Variants in KCNQ3 observed in about 807,000 individuals in gnomAD.
KCNQ3 encodes potassium voltage-gated channel subfamily Q member 3.
Under a neutral mutation model 92.5 loss-of-function variants are expected in KCNQ3, and 30 were observed. The observed-to-expected ratio is 0.32, with a 90% CI of 0.24 to 0.44. The LOEUF (loss-of-function observed/expected upper bound fraction) is 0.44. KCNQ3 is among the 20% of genes least tolerant of loss of function. KCNQ3 has a pLI of 1.00. For missense variants in KCNQ3, 913 were observed against 1,140.3 expected (o/e 0.80, Z 2.87); for synonymous variants, 450 against 468.8 (o/e 0.96, Z 0.52).
At chr8:132,194,555 G>T (rs547849099) in intron 1 of KCNQ3, among the ~76,000 whole-genome samples, 108 of 152,304 alleles carry the variant, frequency 7.1e-4, no homozygotes, top group African/African-American at 2.5e-3. Flanking sequence ...TTATTGAAAA[G>T]AATCCAGATT....
intron 7 of KCNQ3, among the ~76,000 whole-genome samples, chr8:132,171,512 A>T (rs574677859): frequency 9.9e-5 from 15 of 152,222 alleles, no homozygotes; most frequent in African/African-American, 3.6e-4. Context: ...ATCACCTCTC[A>T]CTGCTCCCTG....
intron 1 of KCNQ3, among the ~76,000 whole-genome samples, chr8:132,293,865 A>C (rs1816931186): frequency 6.6e-6 from 1 of 152,170 alleles, no homozygotes; most frequent in Admixed American, 6.5e-5. Context: ...CTTGGGATTG[A>C]GCCAGGGAGT....
chr8:132,310,563 G>A (rs550686846), intron 1 of KCNQ3, among the ~76,000 whole-genome samples: 1 of 152,324 alleles, frequency 6.6e-6, no homozygotes, highest in East Asian at 1.9e-4. Context: ...TGACTGAGAT[G>A]ATGCTGCCCT....
At chr8:132,219,873 A>T (rs1030042297) in intron 1 of KCNQ3, among the ~76,000 whole-genome samples, 1 of 152,194 alleles carries the variant, frequency 6.6e-6, no homozygotes, top group Non-Finnish European at 1.5e-5. Context: ...AATCCATCTG[A>T]TCAATATACT....
intron 1 of KCNQ3, among the ~76,000 whole-genome samples, chr8:132,229,985 A>T (rs1447151961): frequency 6.6e-6 from 1 of 152,158 alleles, no homozygotes; most frequent in Non-Finnish European, 1.5e-5. Context: ...TTCAGAAGGA[A>T]GGGCAGGATG....
intron 1 of KCNQ3, among the ~76,000 whole-genome samples, chr8:132,206,344 C>A (rs919380007): frequency 6.6e-6 from 1 of 152,196 alleles, no homozygotes; most frequent in Non-Finnish European, 1.5e-5. Flanking sequence ...TTTGCATGTC[C>A]ACTGACAGAC....
intron 7 of KCNQ3, among the ~76,000 whole-genome samples, chr8:132,172,109 C>A (rs1368480260): frequency 6.6e-6 from 1 of 152,014 alleles, no homozygotes; most frequent in African/African-American, 2.4e-5. Flanking sequence ...ATTGCTTGAG[C>A]CTGGGAGATG....
intron 1 of KCNQ3, among the ~76,000 whole-genome samples, chr8:132,195,556 G>A (rs935022444): frequency 2.6e-5 from 4 of 152,080 alleles, no homozygotes; most frequent in African/African-American, 9.7e-5. Context: ...CCTTCACCAT[G>A]TAGTCATCGG....
chr8:132,317,249 A>G (rs1325579849), intron 1 of KCNQ3, among the ~76,000 whole-genome samples: 3 of 152,182 alleles, frequency 2.0e-5, no homozygotes, highest in Non-Finnish European at 4.4e-5. Flanking sequence ...AAATAGTTGT[A>G]AGGTGACTCT....
chr8:132,457,465 C>G (rs1014724762), intron 1 of KCNQ3, among the ~76,000 whole-genome samples: 4 of 152,184 alleles, frequency 2.6e-5, no homozygotes, highest in Non-Finnish European at 5.9e-5. Flanking sequence ...TATAAAGGGT[C>G]CCTGGATGCA....
At chr8:132,458,702 G>A (rs1446564339) in intron 1 of KCNQ3, among the ~76,000 whole-genome samples, 1 of 152,136 alleles carries the variant, frequency 6.6e-6, no homozygotes, top group East Asian at 1.9e-4. Flanking sequence ...TGATCCTCCC[G>A]CCTTAGCCTC....
intron 1 of KCNQ3, among the ~76,000 whole-genome samples, chr8:132,275,581 CTTTT>C (rs35090240): frequency 7.1e-6 from 1 of 141,468 alleles, no homozygotes; most frequent in Non-Finnish European, 1.5e-5. Context: ...CCAGTGAAAC[CTTTT>C]TTTTTTTTTT....
chr8:132,157,314 A>G (rs1825828412), intron 9 of KCNQ3, among the ~76,000 whole-genome samples: 1 of 152,196 alleles, frequency 6.6e-6, no homozygotes, highest in Admixed American at 6.5e-5. Context: ...TCTTTTCCCT[A>G]TTTTTGAAGT....
At chr8:132,270,234 G>A (rs1379582) in intron 1 of KCNQ3, among the ~76,000 whole-genome samples, 88,427 of 152,058 alleles carry the variant, frequency 0.58, 26,847 homozygotes, top group East Asian at 0.78. Context: ...GGGCGTTGAC[G>A]TCGCCAGATT....
intron 1 of KCNQ3, among the ~76,000 whole-genome samples, chr8:132,299,519 C>T (rs1294203647): frequency 6.6e-6 from 1 of 152,124 alleles, no homozygotes; most frequent in Non-Finnish European, 1.5e-5. Flanking sequence ...TGCCTGGCAA[C>T]ATTCATGGCA....
chr8:132,287,554 A>G (rs1816713554), intron 1 of KCNQ3, among the ~76,000 whole-genome samples: 1 of 152,270 alleles, frequency 6.6e-6, no homozygotes, highest in South Asian at 2.1e-4. Context: ...TACAAAATGT[A>G]GTCTCTCCAG....
At chr8:132,299,203 T>C (rs934475445) in intron 1 of KCNQ3, among the ~76,000 whole-genome samples, 1 of 151,226 alleles carries the variant, frequency 6.6e-6, no homozygotes, top group African/African-American at 2.4e-5. Context: ...GAAGATATTT[T>C]GATATGGGCA....
At chr8:132,327,611 G>A (rs1046174572) in intron 1 of KCNQ3, among the ~76,000 whole-genome samples, 2 of 152,150 alleles carry the variant, frequency 1.3e-5, no homozygotes, top group African/African-American at 4.8e-5. Context: ...TGGAGCCCAT[G>A]TGCCCCCTGC....
intron 1 of KCNQ3, among the ~76,000 whole-genome samples, chr8:132,392,961 A>G (rs1820090399): frequency 6.6e-6 from 1 of 151,770 alleles, no homozygotes; most frequent in Non-Finnish European, 1.5e-5. Flanking sequence ...GGTCTTGCAC[A>G]GACTCTAGAA....
Sources: allele counts gnomAD v4.1 joint callset (sites outside exome capture counted in the v4.1 genomes callset), GRCh38; gene constraint gnomAD v4.1.1; transcripts MANE v1.5; gene names NCBI Gene and HGNC (gene_info 2026-07-23, HGNC 2026-07-21).